The following GRB10 variants were observed in gnomAD, a reference collection of about 807,000 sequenced individuals.
GRB10 encodes the protein growth factor receptor-bound protein 10.
Under a neutral mutation model 80.9 loss-of-function variants are expected in GRB10, and 20 were observed. That is an observed-to-expected ratio of 0.25 (90% CI 0.17 to 0.36). The LOEUF (loss-of-function observed/expected upper bound fraction) is 0.36, where lower values mean the gene tolerates loss of function less well. Among genes scored for constraint, GRB10 ranks in the 10% least tolerant of loss-of-function variants. GRB10 has a pLI of 1.00. For missense variants in GRB10, 548 were observed against 747.7 expected (o/e 0.73, Z 3.12); for synonymous variants, 291 against 291.5 (o/e 1.00, Z 0.02).
At position 50,605,350 on chromosome 7, in the gene GRB10, G is replaced by T. The variant is rs779391116; in HGVS notation, c.1329C>A (p.Arg443=). 1.2e-6 allele frequency: 2 copies of T among 1,614,178 alleles called. No individual in the cohort carries two copies. The highest frequency in any genetic ancestry group is 1.1e-5 in the South Asian group (1 of 91,084). ...VAMDFSGQTG[R]VIENPAEAQS... is the part of the protein sequence containing the mutation. Reference sequence around the variant, plus strand: ...GGGCCTCTGCCGGATTCTCTATCACGCGTCCTGTTTGCCCAGAAAAATCCA... The same window carrying T: ...GGGCCTCTGCCGGATTCTCTATCACTCGTCCTGTTTGCCCAGAAAAATCCA... Residue 443 remains arginine, a synonymous_variant, in exon 15 of 19, where the codon CGC becomes CGA. Transcript: ENST00000401949.
At chr7:50,755,295 G>C (rs1408061136) in intron 3 of GRB10, among the ~76,000 whole-genome samples, 1 of 152,196 alleles carries the variant, frequency 6.6e-6, no homozygotes, top group Non-Finnish European at 1.5e-5. Flanking sequence ...AGGACAAAGA[G>C]AAGGTCCATT....
chr7:50,659,352 G>A (rs919333482), intron 7 of GRB10, among the ~76,000 whole-genome samples: 2 of 152,144 alleles, frequency 1.3e-5, no homozygotes, highest in Admixed American at 1.3e-4. Flanking sequence ...CCTCAGCAAC[G>A]CCAGAGGAAG....
At chr7:50,626,759 C>G (rs973959959) in intron 8 of GRB10, 63 bp downstream of exon 8, 1 of 1,581,496 alleles carries the variant, frequency 6.3e-7, no homozygotes, top group African/African-American at 1.3e-5. Flanking sequence ...TTGGCAGCAG[C>G]AGTCTTCATT....
intron 2 of GRB10, among the ~76,000 whole-genome samples, chr7:50,767,560 C>T (rs760494757): frequency 2.6e-5 from 4 of 152,312 alleles, no homozygotes; most frequent in East Asian, 1.9e-4. Flanking sequence ...TTGAGGCCCA[C>T]ATCCACCCAT....
chr7:50,786,954 A>G (rs6969539), upstream of GRB10, among the ~76,000 whole-genome samples: 1,834 of 152,348 alleles, frequency 0.012, 28 homozygotes, highest in African/African-American at 0.041. Context: ...AGGCCTTGGA[A>G]AAGAGATTCA....
At chr7:50,628,392 G>A (rs1053024605) in intron 7 of GRB10, among the ~76,000 whole-genome samples, 4 of 152,156 alleles carry the variant, frequency 2.6e-5, no homozygotes, top group Non-Finnish European at 4.4e-5. Flanking sequence ...GATTTCTGTG[G>A]CCGGCGTGGA....
rs1005654203 is a variant in GRB10 at position 50,640,123 on chromosome 7, C to A, written c.505-13145G>T. Among the ~76,000 whole-genome samples the A allele has an allele frequency of 5.3e-5, 8 of 152,188 alleles. No individual in the cohort carries two copies. The South Asian group carries it at 1.4e-3, about 28-fold the overall frequency. ...CCTGAGGGCTCCTCCCAAACAGGGG[C>A]AGGGCCCTCTTGGAGCTACTGTCCT... On this transcript the variant is annotated intron_variant, in intron 7 of 18. Transcript: ENST00000401949.
chr7:50,709,722 A>G (rs980926243), intron 4 of GRB10, among the ~76,000 whole-genome samples: 2 of 152,088 alleles, frequency 1.3e-5, no homozygotes, highest in Non-Finnish European at 2.9e-5. Context: ...TGGGAGGAAG[A>G]AAATGGTGAG....
rs1352601152 is a variant in GRB10, at chr7:50,782,587, C to G, written c.-490G>C. 6.6e-6 allele frequency: 1 copy of G among 151,154 alleles called. No individual in the cohort carries two copies. Among genetic ancestry groups the G allele is most frequent in the Non-Finnish European group, 1.5e-5 (1 of 67,722 alleles). The allele number at this position is 151,154 out of a possible 1,614,324, so 9.4% of individuals were successfully genotyped here. Reference sequence around the variant, plus strand: ...GGGCTGGTCCTCCACGGCTCCGCCCCGGCCAGGGGCCTGCGGCGCAGAAAA... The same window carrying G: ...GGGCTGGTCCTCCACGGCTCCGCCCGGGCCAGGGGCCTGCGGCGCAGAAAA... On this transcript the variant is annotated 5_prime_UTR_variant, in exon 1 of 19. Transcript: ENST00000401949. The surrounding 1 kb of genome is among the most constrained non-coding windows in gnomAD (Gnocchi z 6.6).
At chr7:50,717,014 G>A (rs781391302) in intron 4 of GRB10, among the ~76,000 whole-genome samples, 6 of 152,200 alleles carry the variant, frequency 3.9e-5, no homozygotes, top group Admixed American at 6.5e-5. Context: ...CTATTTGGCC[G>A]GGCTGGATAA....
chr7:50,680,172 C>T (rs907592662), intron 5 of GRB10, among the ~76,000 whole-genome samples: 7 of 152,206 alleles, frequency 4.6e-5, no homozygotes, highest in East Asian at 1.9e-4. Flanking sequence ...CTTTATTTCA[C>T]GGGTTCCTAC....
At chr7:50,595,342 C>G in intron 18 of GRB10, 95 bp downstream of exon 18, 1 of 781,474 alleles carries the variant, frequency 1.3e-6, no homozygotes, top group Non-Finnish European at 2.3e-6. Context: ...CTGTCTGATA[C>G]TTACCGGTCT....
At position 50,703,925 on chromosome 7, in the gene GRB10, G is replaced by A. The variant is rs747176791; in HGVS notation, c.52-17C>T. On this transcript the variant is annotated splice_polypyrimidine_tract_variant and intron_variant, in intron 4 of 18. Coordinates refer to ENST00000401949, the MANE Select transcript of GRB10 (RefSeq NM_001350814.2). Reference sequence around the variant, plus strand: ...CACCTTGTCCTAAAAAAACAGGACCGCAGCAGAAAGGCTGTGAGTTCACAA... The same window carrying A: ...CACCTTGTCCTAAAAAAACAGGACCACAGCAGAAAGGCTGTGAGTTCACAA... The A allele has an allele frequency of 1.2e-5, 19 of 1,582,648 alleles. No individual in the cohort carries two copies. Among genetic ancestry groups the A allele is most frequent in the African/African-American group, 4.0e-5 (3 of 74,314 alleles).
intron 3 of GRB10, among the ~76,000 whole-genome samples, chr7:50,738,831 C>A (rs1404661492): frequency 6.6e-6 from 1 of 152,150 alleles, no homozygotes; most frequent in Non-Finnish European, 1.5e-5. Context: ...GAAATTGTAT[C>A]AATATCTGTT....
intron 7 of GRB10, among the ~76,000 whole-genome samples, chr7:50,661,281 T>A (rs1408020081): frequency 6.6e-6 from 1 of 152,194 alleles, no homozygotes; most frequent in African/African-American, 2.4e-5. Context: ...CAAACCCTTA[T>A]CCAAAGTGAT....
chr7:50,687,557 T>C (rs566002531), intron 5 of GRB10, among the ~76,000 whole-genome samples: 17 of 152,324 alleles, frequency 1.1e-4, no homozygotes, highest in African/African-American at 3.1e-4. Context: ...AAGCCTTTCA[T>C]GTCTCCACTC....
chr7:50,690,235 G>A (rs1013031972), intron 5 of GRB10, among the ~76,000 whole-genome samples: 9 of 152,050 alleles, frequency 5.9e-5, no homozygotes, highest in South Asian at 2.1e-4. Flanking sequence ...GGTGGAGGTT[G>A]CGATGAGTCA....
intron 1 of GRB10, among the ~76,000 whole-genome samples, chr7:50,789,342 C>A (rs939872997): frequency 3.3e-5 from 5 of 152,182 alleles, no homozygotes; most frequent in African/African-American, 1.2e-4. Context: ...CAGACATCGC[C>A]ACAAAGACTG....
rs116585803 is a variant in GRB10 at position 50,716,542 on chromosome 7, G to A, written c.52-12634C>T. ...AAATGTCCAAGATGAAACAGCAGGCGATATATTAAAATGATGAAGATAAAT... is the reference window on the plus strand; with the variant it reads ...AAATGTCCAAGATGAAACAGCAGGCAATATATTAAAATGATGAAGATAAAT... On this transcript the variant is annotated intron_variant, in intron 4 of 18. Coordinates refer to ENST00000401949, the MANE Select transcript of GRB10 (RefSeq NM_001350814.2). Among the ~76,000 whole-genome samples, 441 of 152,252 alleles carry A rather than the reference G, an allele frequency of 2.9e-3. 3 individuals carry two copies. Among genetic ancestry groups the A allele is most frequent in the African/African-American group, 1.0e-2 (415 of 41,526 alleles).
Sources: allele counts gnomAD v4.1 joint callset (sites outside exome capture counted in the v4.1 genomes callset), GRCh38; gene constraint gnomAD v4.1.1; non-coding constraint Gnocchi (gnomAD v3.1); transcripts MANE v1.5; gene names NCBI Gene and HGNC (gene_info 2026-07-23, HGNC 2026-07-21).